KIAA1217: variants seen among roughly 807,000 people sequenced by gnomAD.
KIAA1217 encodes the protein sickle tail protein homolog.
A neutral mutation model predicts 163.9 loss-of-function variants in KIAA1217; 88 were observed. That is an observed-to-expected ratio of 0.54 (90% CI 0.45 to 0.64). The LOEUF (loss-of-function observed/expected upper bound fraction) is 0.64, where lower values mean the gene tolerates loss of function less well. KIAA1217 is among the 30% of genes least tolerant of loss of function. The pLI is 0.00. For synonymous variants in KIAA1217, 903 were observed against 923.1 expected (o/e 0.98, Z 0.39); for missense variants, 2,372 against 2,475.0 (o/e 0.96, Z 0.88).
intron 2 of KIAA1217, among the ~76,000 whole-genome samples, chr10:24,306,344 C>A (rs1446199753): frequency 6.6e-6 from 1 of 152,178 alleles, no homozygotes; most frequent in African/African-American, 2.4e-5. Context: ...TAATATTATG[C>A]AACACTTGTG....
chr10:24,491,321 GCT>G (rs1245316711), intron 6 of KIAA1217, among the ~76,000 whole-genome samples: 8 of 117,740 alleles, frequency 6.8e-5, no homozygotes, highest in Admixed American at 4.8e-4. Flanking sequence ...ACAGAGTCTC[GCT>G]CTGTCTCCCA....
intron 2 of KIAA1217, among the ~76,000 whole-genome samples, chr10:24,256,234 C>A (rs1458255079): frequency 2.0e-5 from 3 of 152,118 alleles, no homozygotes; most frequent in Non-Finnish European, 4.4e-5. Context: ...CAACTCTGCA[C>A]ACAGACAGTG....
At chr10:24,520,650 A>T (rs2071023407) in intron 11 of KIAA1217, among the ~76,000 whole-genome samples, 1 of 77,224 alleles carries the variant, frequency 1.3e-5, no homozygotes, top group African/African-American at 5.5e-5. Context: ...AAAAAAAAAA[A>T]AATATATATA....
intron 1 of KIAA1217, among the ~76,000 whole-genome samples, chr10:24,001,861 A>G (rs538495775): frequency 1.3e-5 from 2 of 152,310 alleles, no homozygotes; most frequent in African/African-American, 4.8e-5. Flanking sequence ...GTTTTCACAG[A>G]AGAAAGAGTG....
chr10:23,743,566 AT>A (rs1839236339), intron 1 of KIAA1217, among the ~76,000 whole-genome samples: 1 of 152,206 alleles, frequency 6.6e-6, no homozygotes, highest in Non-Finnish European at 1.5e-5. Flanking sequence ...AATAGAGGAA[AT>A]GAGGGTAGTT....
intron 2 of KIAA1217, among the ~76,000 whole-genome samples, chr10:24,169,716 G>A (rs2131909714): frequency 6.6e-6 from 1 of 152,120 alleles, no homozygotes; most frequent in African/African-American, 2.4e-5. Context: ...TAGGTTACCA[G>A]GACCCTTCCA....
At chr10:24,225,326 G>C (rs1300160591) in intron 2 of KIAA1217, among the ~76,000 whole-genome samples, 1 of 151,990 alleles carries the variant, frequency 6.6e-6, no homozygotes, top group Non-Finnish European at 1.5e-5. Flanking sequence ...GTCTTGCTGT[G>C]TTGCCCAGAT....
At chr10:24,264,800 T>C (rs953612790) in intron 2 of KIAA1217, among the ~76,000 whole-genome samples, 1 of 131,852 alleles carries the variant, frequency 7.6e-6, no homozygotes, top group African/African-American at 2.8e-5. Context: ...TCTCTCTCTC[T>C]CTCATTCTCT....
chr10:23,895,706 G>C (rs1045153362), intron 1 of KIAA1217, among the ~76,000 whole-genome samples: 1 of 151,948 alleles, frequency 6.6e-6, no homozygotes, highest in Non-Finnish European at 1.5e-5. Context: ...TGTTTATTGC[G>C]GCACTGTTCA....
intron 5 of KIAA1217, among the ~76,000 whole-genome samples, chr10:24,464,358 G>A (rs1026874321): frequency 2.0e-5 from 3 of 152,202 alleles, no homozygotes; most frequent in African/African-American, 4.8e-5. Context: ...AACCTGGCAG[G>A]AAGGAAGAGA....
At chr10:24,313,280 C>T (rs2042939691) in intron 2 of KIAA1217, among the ~76,000 whole-genome samples, 1 of 152,164 alleles carries the variant, frequency 6.6e-6, no homozygotes, top group South Asian at 2.1e-4. Flanking sequence ...CAGGAGCCCT[C>T]ATTGCCAACA....
At chr10:24,166,509 G>A (rs750723795) in intron 2 of KIAA1217, among the ~76,000 whole-genome samples, 11 of 152,082 alleles carry the variant, frequency 7.2e-5, no homozygotes, top group African/African-American at 2.4e-4. Context: ...AGGTCAAGGC[G>A]GGTGGATCAC....
At chr10:24,211,795 A>G (rs780162890) in intron 1 of KIAA1217, among the ~76,000 whole-genome samples, 52 of 152,042 alleles carry the variant, frequency 3.4e-4, no homozygotes, top group Non-Finnish European at 4.4e-4. Context: ...GGTGATTAGC[A>G]GGCGGTGATA....
rs1431711742 is a variant in KIAA1217, at chr10:24,219,916, A to G, written c.354+7A>G. The G allele has an allele frequency of 1.3e-6, 2 of 1,577,686 alleles. No homozygotes were observed. Among genetic ancestry groups the G allele is most frequent in the African/African-American group, 2.7e-5 (2 of 73,596 alleles). On this transcript the variant is annotated splice_region_variant and intron_variant, in intron 2 of 20. Transcript: ENST00000376454. ...AGAGAGGCTGAGAGACCAGGTACGA[A>G]TATGCTCTCATTTCTCCTTGTGTAG...
At chr10:24,175,429 C>T (rs902612645) in intron 2 of KIAA1217, among the ~76,000 whole-genome samples, 6 of 142,402 alleles carry the variant, frequency 4.2e-5, no homozygotes, top group African/African-American at 1.1e-4. Context: ...AATGTTATTC[C>T]ATGGTGTATA....
At chr10:23,705,693 T>C (rs1479611531) in intron 1 of KIAA1217, among the ~76,000 whole-genome samples, 2 of 152,212 alleles carry the variant, frequency 1.3e-5, no homozygotes, top group South Asian at 2.1e-4. Flanking sequence ...ACTTTGTTCT[T>C]ATTTTTTAAG....
chr10:24,419,075 G>A (rs1002821509), intron 3 of KIAA1217, among the ~76,000 whole-genome samples: 15 of 151,132 alleles, frequency 9.9e-5, no homozygotes, highest in Admixed American at 2.0e-4. Context: ...TACTCGGGTA[G>A]CTGAGGTAAG....
intron 1 of KIAA1217, among the ~76,000 whole-genome samples, chr10:23,941,213 A>G (rs1218357253): frequency 6.6e-6 from 1 of 152,242 alleles, no homozygotes; most frequent in African/African-American, 2.4e-5. Flanking sequence ...GAAATTTTTA[A>G]AATATTATCT....
intron 1 of KIAA1217, among the ~76,000 whole-genome samples, chr10:23,912,343 A>T (rs1417172268): frequency 7.8e-6 from 1 of 128,410 alleles, no homozygotes; most frequent in African/African-American, 3.4e-5. Context: ...TTATTTTTTT[A>T]GAACTTTTTT....
Sources: gnomAD v4.1 joint callset for allele counts (sites outside exome capture counted in the v4.1 genomes callset) on GRCh38, gnomAD v4.1.1 for gene constraint, MANE v1.5 for transcripts, NCBI Gene and HGNC (gene_info 2026-07-23, HGNC 2026-07-21) for gene names.